The following NTM variants were observed in gnomAD, a reference collection of about 807,000 sequenced individuals.
The protein encoded by NTM is neurotrimin.
In NTM, 13 loss-of-function variants were observed where a neutral mutation model predicts 42.1. That is an observed-to-expected ratio of 0.31 (90% CI 0.20 to 0.49). The LOEUF (loss-of-function observed/expected upper bound fraction) is 0.49. Ranked by LOEUF, NTM falls within the 20% of genes least tolerant of loss-of-function variation. The pLI, the probability that NTM is intolerant of heterozygous loss-of-function variation, is 0.99. For missense variants in NTM, 373 were observed against 452.8 expected, an observed-to-expected ratio of 0.82 and a Z score of 1.60; for synonymous variants, 187 against 179.2, an observed-to-expected ratio of 1.04 and a Z score of -0.35.
intron 2 of NTM, among the ~76,000 whole-genome samples, chr11:132,028,200 C>T (rs999847025): frequency 6.0e-5 from 9 of 150,634 alleles, no homozygotes; most frequent in Non-Finnish European, 1.0e-4. Context: ...AACATCTCTG[C>T]GATATCTGAG....
At chr11:131,786,445 C>G (rs10750489) in intron 1 of NTM, among the ~76,000 whole-genome samples, 138,437 of 152,286 alleles carry the variant, frequency 0.91, 63,079 homozygotes, top group East Asian at 1. Flanking sequence ...CTCAAGTTCA[C>G]ATTCTTCTTG....
intron 1 of NTM, among the ~76,000 whole-genome samples, chr11:131,571,413 A>C (rs905875664): frequency 5.9e-5 from 9 of 152,146 alleles, no homozygotes; most frequent in Non-Finnish European, 1.2e-4. Context: ...CCAGGAGAAA[A>C]CTGAGCTTTC....
At chr11:131,619,467 G>C (rs1289499927) in intron 1 of NTM, among the ~76,000 whole-genome samples, 1 of 152,204 alleles carries the variant, frequency 6.6e-6, no homozygotes, top group Admixed American at 6.5e-5. Flanking sequence ...TTTTGCAGTA[G>C]CTGAAGGTCA....
chr11:132,146,492 T>C lies in NTM; in HGVS notation c.378T>C (p.Ser126=). Residue 126 remains serine, a synonymous_variant, in exon 3 of 9, where the codon TCT becomes TCC. Transcript: ENST00000683400. This position sits in a 1 kb window ranked among gnomAD's most constrained non-coding sequence, Gnocchi z 4.5. ...SVQTDNHPKT[S]RVHLIVQVSP... is the part of the protein sequence containing the mutation. ...AGACAGACAACCACCCAAAGACCTCTAGGGTCCACCTCATTGTGCAAGGTA... is the reference window on the plus strand; with the variant it reads ...AGACAGACAACCACCCAAAGACCTCCAGGGTCCACCTCATTGTGCAAGGTA... 1 of 1,614,174 alleles carries C rather than the reference T, an allele frequency of 6.2e-7. No individual in the cohort carries two copies. Among genetic ancestry groups the C allele is most frequent in the East Asian group, 2.2e-5 (1 of 44,876 alleles).
intron 3 of NTM, among the ~76,000 whole-genome samples, chr11:132,162,679 G>T (rs1408494987): frequency 6.7e-6 from 1 of 149,528 alleles, no homozygotes; most frequent in Non-Finnish European, 1.5e-5. Context: ...GTGTGTGTGT[G>T]TTTGTGTAGG....
intron 1 of NTM, among the ~76,000 whole-genome samples, chr11:131,863,798 G>C (rs2046875518): frequency 6.6e-6 from 1 of 152,182 alleles, no homozygotes; most frequent in African/African-American, 2.4e-5. Flanking sequence ...TCAAACATGA[G>C]CTCCCATGCC....
intron 2 of NTM, among the ~76,000 whole-genome samples, chr11:132,007,185 A>G (rs1374677063): frequency 1.3e-5 from 2 of 152,218 alleles, no homozygotes; most frequent in Non-Finnish European, 2.9e-5. Context: ...GGCATAACCT[A>G]CTTATCCTGA....
chr11:132,058,254 C>CG (rs2135994628), intron 2 of NTM, among the ~76,000 whole-genome samples: 1 of 152,138 alleles, frequency 6.6e-6, no homozygotes, highest in South Asian at 2.1e-4. Flanking sequence ...AGGAAGTGGG[C>CG]GGGAGGTGCT....
At position 131,611,709 on chromosome 11, in the gene NTM, G is replaced by C. The variant is rs143183856; in HGVS notation, c.82+240821G>C. ...TAGAGGCATTAGGAAGGAAGACCTC[G>C]TGCTGGAACTGGGCTGCAATTCGGT... On this transcript the variant is annotated intron_variant, in intron 1 of 8. Transcript: ENST00000683400. Among the ~76,000 whole-genome samples, 1,269 of 152,298 alleles carry C rather than the reference G, an allele frequency of 8.3e-3. 27 individuals are homozygous for C. The highest frequency in any genetic ancestry group is 0.029 in the African/African-American group (1,215 of 41,546).
At chr11:131,973,772 G>A (rs1011572537) in intron 2 of NTM, among the ~76,000 whole-genome samples, 1 of 152,164 alleles carries the variant, frequency 6.6e-6, no homozygotes, top group Non-Finnish European at 1.5e-5. Flanking sequence ...AGCCGAGATT[G>A]CACCACTGCA....
At chr11:132,178,869 G>T (rs949906046) in intron 3 of NTM, among the ~76,000 whole-genome samples, 1 of 152,166 alleles carries the variant, frequency 6.6e-6, no homozygotes, top group Admixed American at 6.5e-5. Flanking sequence ...GAAAATGTAG[G>T]TTAATAGAAT....
intron 1 of NTM, among the ~76,000 whole-genome samples, chr11:131,593,942 T>C (rs1336832333): frequency 6.6e-6 from 1 of 152,216 alleles, no homozygotes; most frequent in Admixed American, 6.5e-5. Context: ...GCCCAGTGGA[T>C]CTTTTACATG....
At chr11:132,019,144 C>T (rs1025501645) in intron 2 of NTM, among the ~76,000 whole-genome samples, 1 of 151,544 alleles carries the variant, frequency 6.6e-6, no homozygotes, top group Non-Finnish European at 1.5e-5. Flanking sequence ...TATTGACTTT[C>T]CCTAATTTTT....
chr11:132,012,443 A>T (rs549504136), intron 2 of NTM, among the ~76,000 whole-genome samples: 1 of 127,684 alleles, frequency 7.8e-6, no homozygotes, highest in East Asian at 1.9e-4. Context: ...TTAAATTAGC[A>T]CAGTCTGAAA....
At chr11:131,566,792 G>A (rs1248016846) in intron 1 of NTM, among the ~76,000 whole-genome samples, 1 of 152,230 alleles carries the variant, frequency 6.6e-6, no homozygotes, top group Non-Finnish European at 1.5e-5. Context: ...CTGAAAAAGA[G>A]AGAGGGGGAA....
At chr11:131,776,617 T>G (rs552954196) in intron 1 of NTM, among the ~76,000 whole-genome samples, 1 of 152,324 alleles carries the variant, frequency 6.6e-6, no homozygotes, top group East Asian at 1.9e-4. Flanking sequence ...CTTCAAGGCT[T>G]TGACTTCTGT....
chr11:132,127,229 A>G (rs183268363), intron 2 of NTM, among the ~76,000 whole-genome samples: 39 of 152,312 alleles, frequency 2.6e-4, no homozygotes, highest in Admixed American at 5.9e-4. Flanking sequence ...GCTTCCCAGG[A>G]AAGTCTTTGG....
intron 1 of NTM, among the ~76,000 whole-genome samples, chr11:131,897,378 G>A (rs1164171740): frequency 1.3e-5 from 2 of 152,194 alleles, no homozygotes; most frequent in East Asian, 3.9e-4. Context: ...CAAAGGGTTG[G>A]CAATGCCCTT....
At position 131,795,326 on chromosome 11, in the gene NTM, A is replaced by T. The variant is rs2091437062; in HGVS notation, c.83-116238A>T. 5.4e-6 allele frequency: 5 copies of T among 919,702 alleles called. No individual in the cohort carries two copies. In the South Asian group the frequency reaches 2.5e-4, roughly 46 times the overall value. The allele number at this position is 919,702 out of a possible 1,614,324, so 57.0% of individuals were successfully genotyped here. A position where few individuals can be genotyped will look rare whatever the true frequency, so the allele number is the denominator to read the frequency against. On this transcript the variant is annotated intron_variant, in intron 1 of 8. Coordinates refer to ENST00000683400, the MANE Select transcript of NTM (RefSeq NM_001352005.2). The stretch of plus-strand genomic sequence containing the variant: ...GAGAATGCAGTGCCCAGGCGCTCCT[A>T]ATATATGCTTAATAAGTGGGAGATG...
Sources: allele counts gnomAD v4.1 joint callset (sites outside exome capture counted in the v4.1 genomes callset), GRCh38; gene constraint gnomAD v4.1.1; non-coding constraint Gnocchi (gnomAD v3.1); transcripts MANE v1.5; gene names NCBI Gene and HGNC (gene_info 2026-07-23, HGNC 2026-07-21).